NALCN: variants seen among roughly 807,000 people sequenced by gnomAD.
NALCN encodes sodium leak channel, non-selective.
Under a neutral mutation model 225.3 loss-of-function variants are expected in NALCN, and 111 were observed. That is an observed-to-expected ratio of 0.49 (90% CI 0.42 to 0.58). NALCN has a LOEUF of 0.58. Ranked by LOEUF, NALCN falls within the 20% of genes least tolerant of loss-of-function variation. The pLI, the probability that NALCN is intolerant of heterozygous loss-of-function variation, is 0.00. For synonymous variants in NALCN, 764 were observed against 769.0 expected, an observed-to-expected ratio of 0.99 and a Z score of 0.11; for missense variants, 1,378 against 2,202.4, an observed-to-expected ratio of 0.63 and a Z score of 7.49.
rs558688397 is a variant in NALCN, at chr13:101,313,553, C to T, written c.800-21187G>A. On this transcript the variant is annotated intron_variant, in intron 7 of 43. Transcript: ENST00000251127. ...TTCTCAAAAGAAGACATTTATGCAG[C>T]CAAAAAACACATGAAAAAATGCTCA... Among the ~76,000 whole-genome samples the T allele has an allele frequency of 3.3e-3, 499 of 152,190 alleles. 1 individual carries two copies. Among genetic ancestry groups the T allele is most frequent in the African/African-American group, 0.011 (468 of 41,520 alleles).
chr13:101,291,875 C>A (rs2043565840), intron 9 of NALCN, 115 bp downstream of exon 9: 2 of 1,022,640 alleles, frequency 2.0e-6, no homozygotes, highest in East Asian at 5.2e-5. Context: ...AAACAGCTTC[C>A]TGAGTCAGAC....
At position 101,057,982 on chromosome 13, in the gene NALCN, T is replaced by C; in HGVS notation, c.4980A>G (p.Ala1660=). 2 of 1,613,968 alleles carry C rather than the reference T, an allele frequency of 1.2e-6. No individual in the cohort carries two copies. The highest frequency in any genetic ancestry group is 1.7e-6 in the Non-Finnish European group (2 of 1,180,030). The stretch of plus-strand genomic sequence containing the variant: ...GCCCAAATTTCCTCTGGGGTTTCCC[T>C]GCGTCGGCTGCATCTTGCCGACTTC... ...RGGSRQDAAD[A]GKPQRKFGQW... Residue 1660 remains alanine, a synonymous_variant, in exon 43 of 44, where the codon GCA becomes GCG. Transcript: ENST00000251127.
At chr13:101,233,842 T>C (rs1053306879) in intron 12 of NALCN, among the ~76,000 whole-genome samples, 3 of 152,296 alleles carry the variant, frequency 2.0e-5, no homozygotes, top group East Asian at 3.9e-4. Flanking sequence ...GATACCGATA[T>C]GTAAGAACCA....
chr13:101,324,573 CTCTG>C (rs1345232732), intron 7 of NALCN, among the ~76,000 whole-genome samples: 4 of 152,010 alleles, frequency 2.6e-5, no homozygotes, highest in East Asian at 1.9e-4. Flanking sequence ...TGATTTGGCT[CTCTG>C]TCTGTTATTG....
intron 13 of NALCN, among the ~76,000 whole-genome samples, chr13:101,224,458 C>T (rs916143007): frequency 2.0e-5 from 3 of 152,108 alleles, no homozygotes; most frequent in African/African-American, 4.8e-5. Context: ...TCATATCAAC[C>T]TCACCAATAA....
At chr13:101,133,190 G>C (rs990841745) in intron 17 of NALCN, among the ~76,000 whole-genome samples, 1 of 152,158 alleles carries the variant, frequency 6.6e-6, no homozygotes, top group African/African-American at 2.4e-5. Context: ...ACCATAGCTT[G>C]ACCCTAGAAA....
intron 10 of NALCN, among the ~76,000 whole-genome samples, chr13:101,264,046 G>A (rs2042519330): frequency 6.6e-6 from 1 of 152,118 alleles, no homozygotes; most frequent in African/African-American, 2.4e-5. Flanking sequence ...AAAGGAAAAT[G>A]TTAAAGCTGA....
intron 1 of NALCN, among the ~76,000 whole-genome samples, chr13:101,414,629 C>T (rs935867000): frequency 5.3e-5 from 8 of 152,204 alleles, no homozygotes; most frequent in African/African-American, 1.9e-4. Context: ...ATCTTCAGTT[C>T]ACTAAATTGC....
At chr13:101,138,228 C>A (rs1566325861) in intron 17 of NALCN, among the ~76,000 whole-genome samples, 2 of 152,190 alleles carry the variant, frequency 1.3e-5, no homozygotes, top group Non-Finnish European at 2.9e-5. Flanking sequence ...ATTCCCACAG[C>A]CCAGAGAATA....
chr13:101,106,662 G>C (rs2139626448), intron 22 of NALCN, among the ~76,000 whole-genome samples: 1 of 152,262 alleles, frequency 6.6e-6, no homozygotes, highest in African/African-American at 2.4e-5. Flanking sequence ...TGGTGAATAA[G>C]TCTCATGAGA....
intron 9 of NALCN, among the ~76,000 whole-genome samples, chr13:101,287,336 G>A (rs1472257304): frequency 1.3e-5 from 2 of 152,218 alleles, no homozygotes; most frequent in Non-Finnish European, 2.9e-5. Context: ...AACAAAGACA[G>A]CATGTTGACA....
At position 101,107,432 on chromosome 13, in the gene NALCN, C is replaced by G; in HGVS notation, c.2579+55G>C. 3.7e-6 allele frequency: 6 copies of G among 1,611,476 alleles called. No homozygotes were observed. The South Asian group carries it at 6.6e-5, about 18-fold the overall frequency. The stretch of plus-strand genomic sequence containing the variant: ...TTCCTTCTTCTTCATATGACAACAC[C>G]CCTGCTGTTTGCATGGCTCAGGCCA... On this transcript the variant is annotated intron_variant, in intron 22 of 43. Coordinates refer to ENST00000251127, the MANE Select transcript of NALCN (RefSeq NM_052867.4).
At chr13:101,145,008 T>A (rs914141438) in intron 15 of NALCN, 112 bp from the exon 16 acceptor site, 5 of 1,222,588 alleles carry the variant, frequency 4.1e-6, no homozygotes, top group Non-Finnish European at 5.4e-6. Context: ...GAAATGCCAG[T>A]AGATGGCAGC....
chr13:101,119,720 A>C (rs1171220758), intron 18 of NALCN, among the ~76,000 whole-genome samples: 1 of 152,214 alleles, frequency 6.6e-6, no homozygotes, highest in African/African-American at 2.4e-5. Flanking sequence ...TTTTGAAAAG[A>C]AGCTTTATTT....
rs1368911214 is a variant in NALCN, at chr13:101,376,906, G to A, written c.515+11C>T. The A allele has an allele frequency of 4.3e-6, 7 of 1,613,998 alleles. No individual in the cohort carries two copies. The highest frequency in any genetic ancestry group is 2.2e-5 in the South Asian group (2 of 91,078). On this transcript the variant is annotated intron_variant, in intron 5 of 43. Transcript: ENST00000251127. ...ACTTTTCCTCTTAACTTATTGTAAA[G>A]CAGCGCTCACTTTAAAATATTTGTA...
chr13:101,324,688 G>A (rs2044878722), intron 7 of NALCN, among the ~76,000 whole-genome samples: 1 of 152,086 alleles, frequency 6.6e-6, no homozygotes, highest in African/African-American at 2.4e-5. Flanking sequence ...GAGACGATGG[G>A]GTTTTCTAGA....
intron 27 of NALCN, 91 bp downstream of exon 27, chr13:101,100,693 C>T (rs1594203234): frequency 4.7e-6 from 5 of 1,063,892 alleles, no homozygotes; most frequent in Non-Finnish European, 2.7e-6. Context: ...AATCTTCCCT[C>T]CTTGGCATTC....
intron 6 of NALCN, among the ~76,000 whole-genome samples, chr13:101,374,166 TAAAA>T (rs1235791201): frequency 6.6e-6 from 1 of 151,048 alleles, no homozygotes; most frequent in Non-Finnish European, 1.5e-5. Context: ...AAAGTTATAT[TAAAA>T]AACAAGAAAA....
intron 10 of NALCN, among the ~76,000 whole-genome samples, chr13:101,260,265 C>A (rs2042381423): frequency 6.6e-6 from 1 of 152,138 alleles, no homozygotes; most frequent in Non-Finnish European, 1.5e-5. Context: ...TTTTCTTTAT[C>A]TATTCGTCTG....
Sources: gnomAD v4.1 joint callset for allele counts (sites outside exome capture counted in the v4.1 genomes callset) on GRCh38, gnomAD v4.1.1 for gene constraint, MANE v1.5 for transcripts, NCBI Gene and HGNC (gene_info 2026-07-23, HGNC 2026-07-21) for gene names.